The following GFM1 variants were observed in gnomAD, a reference collection of about 807,000 sequenced individuals.
The protein encoded by GFM1 is elongation factor G, mitochondrial.
A neutral mutation model predicts 96.2 loss-of-function variants in GFM1; 62 were observed. The ratio of observed to expected loss-of-function variants is 0.64; its 90% CI spans 0.53 to 0.80. GFM1 has a LOEUF of 0.80. Ranked by LOEUF, GFM1 falls within the 30% of genes least tolerant of loss-of-function variation. The pLI is 0.00. For missense variants in GFM1, 852 were observed against 916.6 expected (o/e 0.93, Z 0.91); for synonymous variants, 282 against 312.9 (o/e 0.90, Z 1.04).
At chr3:158,671,696 C>G (rs1724330845) in intron 13 of GFM1, among the ~76,000 whole-genome samples, 1 of 152,166 alleles carries the variant, frequency 6.6e-6, no homozygotes. Context: ...AATCTCAAAT[C>G]CAGTAGATTT....
In GFM1 at chr3:158,681,775, T is replaced by C. The variant is rs375924283; in HGVS notation, c.1602-220T>C. Among the ~76,000 whole-genome samples, 8 of 152,332 alleles carry C rather than the reference T, an allele frequency of 5.3e-5. 1 individual carries two copies. The highest frequency in any genetic ancestry group is 3.9e-4 in the East Asian group (2 of 5,192). ...TACTTTTTTATTTGTGAAATTTATC[T>C]GTATATTACCTTGGGTAGTATACCC... On this transcript the variant is annotated intron_variant, in intron 13 of 17. Transcript: ENST00000486715.
At chr3:158,670,832 G>A in intron 13 of GFM1, 1 of 1,258,468 alleles carries the variant, frequency 7.9e-7, no homozygotes, top group Non-Finnish European at 1.0e-6. Context: ...ATTTGGGGAG[G>A]CTGAGGTGGG....
chr3:158,691,352 C>T lies in GFM1; in HGVS notation c.2141C>T (p.Thr714Ile). The change falls in exon 18 of 18, where the codon ACA (threonine) becomes ATA (isoleucine). Residue 714 changes from threonine to isoleucine, a missense_variant. Thr to Ile is a moderately conservative substitution (Grantham distance 89). Coordinates refer to ENST00000486715, the MANE Select transcript of GFM1 (RefSeq NM_024996.7). ...RSCTEGKGEY[T>I]MEYSRYQPCL... ...AATCCCTAGGGAAAGGGAGAATACACAATGGAGTATAGCAGGTATCAGCCA... is the reference window on the plus strand; with the variant it reads ...AATCCCTAGGGAAAGGGAGAATACATAATGGAGTATAGCAGGTATCAGCCA... 6.2e-7 allele frequency: 1 copy of T among 1,613,728 alleles called. No homozygotes were observed. The highest frequency in any genetic ancestry group is 8.5e-7 in the Non-Finnish European group (1 of 1,179,816).
intron 8 of GFM1, among the ~76,000 whole-genome samples, chr3:158,655,269 A>G (rs542006525): frequency 2.0e-5 from 3 of 152,232 alleles, no homozygotes; most frequent in South Asian, 4.2e-4. Flanking sequence ...GCGGATCACA[A>G]GGTCAGGAGT....
chr3:158,666,955 T>A (rs1723752602), intron 13 of GFM1: 9 of 1,561,098 alleles, frequency 5.8e-6, no homozygotes, highest in Non-Finnish European at 7.8e-6. Flanking sequence ...ATACTGTGGC[T>A]ATACAAGGAG....
intron 13 of GFM1, among the ~76,000 whole-genome samples, chr3:158,676,098 C>T (rs1724864658): frequency 6.6e-6 from 1 of 152,096 alleles, no homozygotes; most frequent in Non-Finnish European, 1.5e-5. Flanking sequence ...CATGGCGAAG[C>T]CCTGTCTGTA....
At chr3:158,665,179 A>G (rs927724415) in intron 11 of GFM1, among the ~76,000 whole-genome samples, 158 bp from the exon 12 acceptor site, 1 of 152,156 alleles carries the variant, frequency 6.6e-6, no homozygotes, top group Non-Finnish European at 1.5e-5. Context: ...ATCCAAGCTC[A>G]CATTGTTTTT....
intron 8 of GFM1, among the ~76,000 whole-genome samples, chr3:158,658,024 A>G (rs1043453030): frequency 1.3e-5 from 2 of 152,096 alleles, no homozygotes; most frequent in Non-Finnish European, 2.9e-5. Context: ...AAAATCACTA[A>G]TCATGTTTAA....
intron 8 of GFM1, among the ~76,000 whole-genome samples, chr3:158,658,187 G>T (rs1722922381): frequency 2.2e-5 from 2 of 89,536 alleles, no homozygotes; most frequent in African/African-American, 4.6e-5. Flanking sequence ...TTTTGAGACA[G>T]AGTCTCACCT....
chr3:158,694,700 A>T lies in GFM1; in HGVS notation c.*3233A>T, dbSNP rs781697091. On this transcript the variant is annotated 3_prime_UTR_variant, in exon 18 of 18. Coordinates refer to ENST00000486715, the MANE Select transcript of GFM1 (RefSeq NM_024996.7). ...GGCACACACCACCATGCCTGGCTTGATAACTTTACCTTAAAAAAAAAAGTG... is the reference window on the plus strand; with the variant it reads ...GGCACACACCACCATGCCTGGCTTGTTAACTTTACCTTAAAAAAAAAAGTG... Among the ~76,000 whole-genome samples, 1 of 152,120 alleles carries T rather than the reference A, an allele frequency of 6.6e-6. No individual in the cohort carries two copies. The highest frequency in any genetic ancestry group is 2.4e-5 in the African/African-American group (1 of 41,420).
chr3:158,654,411 A>G (rs916781060), intron 7 of GFM1, 136 bp from the exon 8 acceptor site: 8 of 614,062 alleles, frequency 1.3e-5, no homozygotes, highest in Non-Finnish European at 2.0e-5. Context: ...CTTTCAGTGA[A>G]ATTTTACTTA....
intron 5 of GFM1, among the ~76,000 whole-genome samples, chr3:158,651,548 A>G (rs1722300290): frequency 6.6e-6 from 1 of 152,250 alleles, no homozygotes; most frequent in Admixed American, 6.5e-5. Context: ...TTACTGCATT[A>G]TAAGTATTCA....
intron 13 of GFM1, chr3:158,672,469 G>T: frequency 6.2e-7 from 1 of 1,613,992 alleles, no homozygotes. Context: ...TTGGTCGGCG[G>T]GATTTCCATT....
chr3:158,662,467 T>C (rs894120827), intron 10 of GFM1, among the ~76,000 whole-genome samples, 161 bp from the exon 11 acceptor site: 2 of 152,208 alleles, frequency 1.3e-5, no homozygotes, highest in Non-Finnish European at 2.9e-5. Flanking sequence ...AATGTACTTA[T>C]TTAATGCAAA....
At position 158,646,228 on chromosome 3, in the gene GFM1, A is replaced by ATCAC; in HGVS notation, c.300_303dup (p.Ile102HisfsTer17). 1 of 1,613,960 alleles carries ATCAC rather than the reference A, an allele frequency of 6.2e-7. No individual in the cohort carries two copies. On this transcript the variant is annotated frameshift_variant, in exon 3 of 18. Transcript: ENST00000486715. LOFTEE classifies it high-confidence loss of function. ...CATGGAACTAGAGAGACAAAGAGGA[A>ATCAC]TCACTATTCAGTCAGCAGCCACTTA...
chr3:158,658,157 CTTTTT>C (rs397842738), intron 8 of GFM1, among the ~76,000 whole-genome samples: 9 of 97,352 alleles, frequency 9.2e-5, no homozygotes, highest in Admixed American at 2.4e-4. Flanking sequence ...TCACAGAACT[CTTTTT>C]TTTTTTTTTT....
intron 13 of GFM1, among the ~76,000 whole-genome samples, chr3:158,668,703 G>T (rs1474864240): frequency 1.3e-5 from 2 of 152,214 alleles, no homozygotes; most frequent in African/African-American, 2.4e-5. Context: ...TATGTTCCCA[G>T]AGCATGCAAC....
chr3:158,689,923 G>T (rs1336728898), intron 15 of GFM1, among the ~76,000 whole-genome samples: 1 of 152,018 alleles, frequency 6.6e-6, no homozygotes, highest in Non-Finnish European at 1.5e-5. Flanking sequence ...GCTATTTAAT[G>T]AGTTTTAAGG....
Position 158,675,081 on chromosome 3 carries a change from GT to G in GFM1, c.1602-6912del, listed in dbSNP as rs1360462281. Among the ~76,000 whole-genome samples, 3 of 152,208 alleles carry G rather than the reference GT, an allele frequency of 2.0e-5. No individual in the cohort carries two copies. The East Asian group carries it at 5.8e-4, about 29-fold the overall frequency. On this transcript the variant is annotated intron_variant, in intron 13 of 17. Coordinates refer to ENST00000486715, the MANE Select transcript of GFM1 (RefSeq NM_024996.7). ...ACGCAGGTGGGTCACGAGGTCAAGA[GT>G]TCAAGACCAGCCTGGCCAATATGGT...
Sources: gnomAD v4.1 joint callset for allele counts (sites outside exome capture counted in the v4.1 genomes callset) on GRCh38, gnomAD v4.1.1 for gene constraint, MANE v1.5 for transcripts, NCBI Gene and HGNC (gene_info 2026-07-23, HGNC 2026-07-21) for gene names.